The following EMC1 variants were observed in gnomAD, a reference collection of about 807,000 sequenced individuals.
The protein encoded by EMC1 is ER membrane protein complex subunit 1, also known as KIAA0090.
EMC1 carries 103 observed loss-of-function variants against 128.8 expected under a neutral mutation model. The observed-to-expected ratio is 0.80, with a 90% CI of 0.68 to 0.94. EMC1 has a LOEUF of 0.94. EMC1 is among the 40% of genes least tolerant of loss of function. The pLI is 0.00. For synonymous variants in EMC1, 442 were observed against 490.4 expected, an observed-to-expected ratio of 0.90 and a Z score of 1.30; for missense variants, 1,083 against 1,250.6, an observed-to-expected ratio of 0.87 and a Z score of 2.02.
At chr1:19,233,232 A>G in intron 13 of EMC1, 97 bp from the exon 14 acceptor site, 1 of 1,083,568 alleles carries the variant, frequency 9.2e-7, no homozygotes, top group East Asian at 2.4e-5. Context: ...TCTCCTCTGG[A>G]GCAATAAAGT....
At chr1:19,242,523 C>A in intron 4 of EMC1, 50 bp from the exon 5 acceptor site, 1 of 1,609,586 alleles carries the variant, frequency 6.2e-7, no homozygotes, top group Non-Finnish European at 8.5e-7. Context: ...GAGCCTCAGG[C>A]TGGGAGAGAC....
chr1:19,236,674 AAGC>A (rs1244598897), intron 12 of EMC1, among the ~76,000 whole-genome samples: 3 of 143,596 alleles, frequency 2.1e-5, no homozygotes, highest in Non-Finnish European at 4.5e-5. Flanking sequence ...AAAAAAAAAA[AAGC>A]AGGTGACAGG....
At chr1:19,235,440 C>A (rs140979810) in intron 12 of EMC1, among the ~76,000 whole-genome samples, 188 bp from the exon 13 acceptor site, 1 of 151,936 alleles carries the variant, frequency 6.6e-6, no homozygotes, top group Non-Finnish European at 1.5e-5. Flanking sequence ...CAGTGGCTCA[C>A]GCCTGTAATC....
At chr1:19,223,004 T>G (rs771877008) in intron 19 of EMC1, 170 bp from the exon 20 acceptor site, 2 of 595,994 alleles carry the variant, frequency 3.4e-6, no homozygotes, top group Non-Finnish European at 5.9e-6. Context: ...CAAAGTAGTT[T>G]TATCTAGGCT....
chr1:19,244,351 G>A (rs749241417), intron 2 of EMC1, among the ~76,000 whole-genome samples: 3 of 152,188 alleles, frequency 2.0e-5, no homozygotes, highest in Non-Finnish European at 4.4e-5. Context: ...TCCGGCCAGT[G>A]TAGGTAATTA....
rs375579318 is a variant in EMC1, at chr1:19,232,985, T to C, written c.1583A>G (p.Asp528Gly). The change falls in exon 14 of 23, where the codon GAT becomes GGT. Residue 528 changes from aspartate to glycine, a missense_variant. This residue lies in a region of EMC1 where 527 missense variants were observed against 644.1 expected (regional missense o/e 0.82). Coordinates refer to ENST00000477853, the MANE Select transcript of EMC1 (RefSeq NM_015047.3). Reference protein sequence around the residue: ...NEINIDTLARDEFNLQKMMVM... With the variant: ...NEINIDTLARGEFNLQKMMVM... ...CATCATCTTCTGGAGGTTGAATTCA[T>C]CTCTGGCCAGGGTGTCAATGTTGAT... The C allele has an allele frequency of 1.9e-6, 3 of 1,614,220 alleles. No individual in the cohort carries two copies. Among genetic ancestry groups the C allele is most frequent in the Non-Finnish European group, 2.5e-6 (3 of 1,180,028 alleles).
At chr1:19,249,249 C>T (rs990674483) in intron 1 of EMC1, among the ~76,000 whole-genome samples, 1 of 147,852 alleles carries the variant, frequency 6.8e-6, no homozygotes, top group Non-Finnish European at 1.5e-5. Flanking sequence ...TGTCCTAAGC[C>T]TTTACATTTA....
intron 17 of EMC1, among the ~76,000 whole-genome samples, chr1:19,228,823 G>GT (rs1558097574): frequency 1.3e-5 from 2 of 152,098 alleles, no homozygotes; most frequent in Non-Finnish European, 2.9e-5. Context: ...AGCCCGAGGC[G>GT]GGAGGATCAC....
Position 19,241,147 on chromosome 1 carries a change from G to C in EMC1, c.510-5C>G, listed in dbSNP as rs770946521. ...ATCTGGTAGTGGATGCTGTCACTAAGAGAGGGAAGAAGAAACCGCAGCGTC... is the reference window on the plus strand; with the variant it reads ...ATCTGGTAGTGGATGCTGTCACTAACAGAGGGAAGAAGAAACCGCAGCGTC... On this transcript the variant is annotated splice_region_variant and splice_polypyrimidine_tract_variant and intron_variant, in intron 5 of 22. Coordinates refer to ENST00000477853, the MANE Select transcript of EMC1 (RefSeq NM_015047.3). 6.2e-7 allele frequency: 1 copy of C among 1,613,952 alleles called. No individual in the cohort carries two copies. The highest frequency in any genetic ancestry group is 8.5e-7 in the Non-Finnish European group (1 of 1,179,944).
At chr1:19,220,073 C>G in intron 21 of EMC1, 1 of 214,196 alleles carries the variant, frequency 4.7e-6, no homozygotes, top group South Asian at 9.0e-5. Context: ...TCTCTGAAAC[C>G]TGATTATCAT....
rs530233924 is a variant in EMC1, at chr1:19,230,922, T to G, written c.1986A>C (p.Leu662=). 2 of 1,614,244 alleles carry G rather than the reference T, an allele frequency of 1.2e-6. No homozygotes were observed. The highest frequency in any genetic ancestry group is 3.3e-5 in the Admixed American group (2 of 60,020). ...AGAAGATGGAAGGGGCAAGCTCATGTAGCTGTCGCAAGACATTCCGAGTGG... is the reference window on the plus strand; with the variant it reads ...AGAAGATGGAAGGGGCAAGCTCATGGAGCTGTCGCAAGACATTCCGAGTGG... The part of the protein sequence containing the change: ...FPATRNVLRQ[L]HELAPSIFFY... Residue 662 remains leucine (L), a synonymous_variant, in exon 17 of 23, where the codon CTA becomes CTC. Coordinates refer to ENST00000477853, the MANE Select transcript of EMC1 (RefSeq NM_015047.3).
chr1:19,234,072 A>C lies in EMC1; in HGVS notation c.1433-937T>G, dbSNP rs542429832. ...TGGCAGTCAACACACACACACACAC[A>C]CCCCAAGGATGTACCTCATTGGTCC... On this transcript the variant is annotated intron_variant, in intron 13 of 22. Coordinates refer to ENST00000477853, the MANE Select transcript of EMC1 (RefSeq NM_015047.3). The C allele has an allele frequency of 5.0e-4, 211 of 418,680 alleles. 3 individuals are homozygous for C. In the South Asian group the frequency reaches 0.013, roughly 26 times the overall value. The allele number at this position is 418,680 out of a possible 1,614,324, so 25.9% of individuals were successfully genotyped here.
Position 19,233,125 on chromosome 1 carries a change from C to T in EMC1, c.1443G>A (p.Leu481=), listed in dbSNP as rs765996354. ...ACGAGAGGCGTTTCAGGAACATCCC[C>T]AGCAAGCCATCTGGTGTAAAGGAAA... The part of the protein sequence containing the change: ...GEFGKKADGL[L]GMFLKRLSSQ... Residue 481 remains leucine, a synonymous_variant, in exon 14 of 23, where the codon CTG becomes CTA. Transcript: ENST00000477853. 1 of 1,613,906 alleles carries T rather than the reference C, an allele frequency of 6.2e-7. No individual in the cohort carries two copies.
intron 13 of EMC1, among the ~76,000 whole-genome samples, chr1:19,234,905 T>C (rs941653705): frequency 1.3e-5 from 2 of 152,102 alleles, no homozygotes; most frequent in South Asian, 2.1e-4. Context: ...GATTTTTCCC[T>C]AGCTTTCCCT....
Position 19,219,641 on chromosome 1 carries a change from GATGA to G in EMC1, c.2726_2729del (p.Phe909SerfsTer47), listed in dbSNP as rs2093416307. 6.2e-7 allele frequency: 1 copy of G among 1,613,940 alleles called. No individual in the cohort carries two copies. Among genetic ancestry groups the G allele is most frequent in the African/African-American group, 1.3e-5 (1 of 74,902 alleles). ...TTCGAGAAACTGTCTGGTTATAGTT[GATGA>G]ATCGCTCTGCGTGTATCTGTACATC... On this transcript the variant is annotated frameshift_variant, in exon 22 of 23. Transcript: ENST00000477853. LOFTEE classifies it high-confidence loss of function.
At chr1:19,224,368 T>A (rs944756884) in intron 18 of EMC1, among the ~76,000 whole-genome samples, 1 of 152,160 alleles carries the variant, frequency 6.6e-6, no homozygotes. Context: ...TCTCAGATGT[T>A]TCATCTGAAA....
intron 3 of EMC1, 67 bp downstream of exon 3, chr1:19,243,883 A>G: frequency 6.4e-7 from 1 of 1,563,626 alleles, no homozygotes; most frequent in Non-Finnish European, 8.8e-7. Context: ...CCCTGTACAG[A>G]TCAAGGAGCC....
intron 15 of EMC1, 52 bp downstream of exon 15, chr1:19,232,572 A>C: frequency 6.2e-7 from 1 of 1,608,624 alleles, no homozygotes; most frequent in Non-Finnish European, 8.5e-7. Context: ...AAGTTACAAA[A>C]TAGCAAAAAA....
At chr1:19,236,967 C>CAAAAAAAA (rs35897979) in intron 12 of EMC1, among the ~76,000 whole-genome samples, 175 bp downstream of exon 12, 1 of 58,386 alleles carries the variant, frequency 1.7e-5, no homozygotes, top group Non-Finnish European at 3.2e-5. Context: ...GACTCTATCT[C>CAAAAAAAA]AAAAAAAAAA....
Sources: gnomAD v4.1 joint callset for allele counts (sites outside exome capture counted in the v4.1 genomes callset) on GRCh38, gnomAD v4.1.1 for gene constraint, gnomAD v4.1.1 regional missense constraint, MANE v1.5 for transcripts, NCBI Gene and HGNC (gene_info 2026-07-23, HGNC 2026-07-21) for gene names.